Variants in RARS2 observed in about 807,000 individuals in gnomAD.
The protein encoded by RARS2 is arginyl-tRNA synthetase 2, mitochondrial, also known as probable arginine--tRNA ligase, mitochondrial.
A neutral mutation model predicts 88.5 loss-of-function variants in RARS2; 67 were observed. The ratio of observed to expected loss-of-function variants is 0.76; its 90% CI spans 0.62 to 0.93. The LOEUF (loss-of-function observed/expected upper bound fraction) is 0.93. RARS2 is among the 40% of genes least tolerant of loss of function. The probability of loss-of-function intolerance (pLI) is 0.00; values close to 1 mark genes in which losing one functional copy is unlikely to be tolerated. For synonymous variants in RARS2, 239 were observed against 230.3 expected (o/e 1.04, Z -0.34); for missense variants, 664 against 684.2 (o/e 0.97, Z 0.33).
chr6:87,587,339 G>T (rs13193380), intron 1 of RARS2, among the ~76,000 whole-genome samples: 92,606 of 152,036 alleles, frequency 0.61, 29,023 homozygotes, highest in African/African-American at 0.75. Flanking sequence ...CAAACTGTAC[G>T]GAACATGTTT....
intron 1 of RARS2, among the ~76,000 whole-genome samples, chr6:87,573,709 A>C (rs1480261652): frequency 5.3e-5 from 8 of 152,178 alleles, no homozygotes; most frequent in Non-Finnish European, 5.9e-5. Context: ...ACAAAAAAAA[A>C]CCAAGAAGAC....
At chr6:87,532,679 T>C (rs925294997) in intron 8 of RARS2, among the ~76,000 whole-genome samples, 1 of 152,284 alleles carries the variant, frequency 6.6e-6, no homozygotes, top group Admixed American at 6.5e-5. Context: ...ATCCCTTCAC[T>C]GTAATAAATC....
At chr6:87,534,101 G>A (rs1175987766) in intron 8 of RARS2, among the ~76,000 whole-genome samples, 3 of 152,118 alleles carry the variant, frequency 2.0e-5, no homozygotes, top group African/African-American at 7.2e-5. Flanking sequence ...GTTTAATGCT[G>A]TTTCACTGAT....
intron 11 of RARS2, among the ~76,000 whole-genome samples, chr6:87,524,349 G>A (rs1774965312): frequency 2.0e-5 from 3 of 152,172 alleles, no homozygotes; most frequent in African/African-American, 7.2e-5. Flanking sequence ...AAACCCCTGA[G>A]CTAATATGGT....
At chr6:87,536,469 T>C (rs909766722) in intron 8 of RARS2, among the ~76,000 whole-genome samples, 21 of 151,886 alleles carry the variant, frequency 1.4e-4, no homozygotes, top group African/African-American at 4.3e-4. Flanking sequence ...ACCCCGTCTC[T>C]AGCAAAAATA....
intron 2 of RARS2, among the ~76,000 whole-genome samples, chr6:87,568,943 C>T (rs1007866508): frequency 1.3e-5 from 2 of 151,960 alleles, no homozygotes; most frequent in Admixed American, 1.3e-4. Flanking sequence ...AGTTTTCTAC[C>T]CAAATCGTAA....
chr6:87,584,163 C>G (rs1172859330), intron 1 of RARS2, among the ~76,000 whole-genome samples: 1 of 152,190 alleles, frequency 6.6e-6, no homozygotes, highest in Non-Finnish European at 1.5e-5. Context: ...ACACAGTACA[C>G]AGCTTATATA....
At chr6:87,578,718 G>A (rs1284296681) in intron 1 of RARS2, among the ~76,000 whole-genome samples, 1 of 152,000 alleles carries the variant, frequency 6.6e-6, no homozygotes, top group Non-Finnish European at 1.5e-5. Context: ...CAGCACTTTG[G>A]GAGGCCGAGG....
chr6:87,519,206 G>GTATATATA (rs1351648306), intron 14 of RARS2: 4 of 272,162 alleles, frequency 1.5e-5, no homozygotes, highest in African/African-American at 5.0e-5. Flanking sequence ...GTGTGTGTGT[G>GTATATATA]TGTATATATA....
At position 87,562,788 on chromosome 6, in the gene RARS2, G is replaced by GA. The variant is rs1562212877; in HGVS notation, c.214-4dup. ...CTCACCACTGTATCACATCTTAGCT[G>GA]AAAAGAACAAATCACACAAAGTAGG... On this transcript the variant is annotated splice_polypyrimidine_tract_variant and splice_region_variant and intron_variant, in intron 3 of 19. Transcript: ENST00000369536. 1 of 1,609,154 alleles carries GA rather than the reference G, an allele frequency of 6.2e-7. No individual in the cohort carries two copies.
intron 9 of RARS2, among the ~76,000 whole-genome samples, 164 bp from the exon 10 acceptor site, chr6:87,529,812 T>C (rs1417701360): frequency 6.6e-6 from 1 of 152,022 alleles, no homozygotes; most frequent in African/African-American, 2.4e-5. Flanking sequence ...TCCCAGCACT[T>C]TGGGAGGCTG....
At position 87,562,840 on chromosome 6, in the gene RARS2, T is replaced by C. The variant is rs572134357; in HGVS notation, c.214-55A>G. On this transcript the variant is annotated intron_variant, in intron 3 of 19. Transcript: ENST00000369536. ...ATGTTATATAATAGGCCTAATGAGA[T>C]AGGTAGTTCTAATGCTATTTTTGGC... 4.6e-5 allele frequency: 59 copies of C among 1,277,504 alleles called. No homozygotes were observed. In the African/African-American group the frequency reaches 5.0e-4, roughly 11 times the overall value. The allele number at this position is 1,277,504 out of a possible 1,614,324, so 79.1% of individuals were successfully genotyped here.
chr6:87,575,273 AC>A (rs1771113607), intron 1 of RARS2, among the ~76,000 whole-genome samples: 5 of 141,834 alleles, frequency 3.5e-5, no homozygotes, highest in Admixed American at 3.5e-4. Context: ...ACACACACAC[AC>A]ACACCTTGGC....
intron 8 of RARS2, among the ~76,000 whole-genome samples, chr6:87,534,811 G>A (rs964142257): frequency 6.6e-6 from 1 of 152,222 alleles, no homozygotes; most frequent in African/African-American, 2.4e-5. Context: ...CAGGCCCACA[G>A]TGGGAAATGG....
At chr6:87,586,042 G>A (rs1027827673) in intron 1 of RARS2, among the ~76,000 whole-genome samples, 7 of 152,166 alleles carry the variant, frequency 4.6e-5, no homozygotes, top group African/African-American at 1.4e-4. Flanking sequence ...GTAGAGACTC[G>A]TGCAACAAAG....
At chr6:87,519,493 A>G in intron 14 of RARS2, 90 bp downstream of exon 14, 1 of 1,393,746 alleles carries the variant, frequency 7.2e-7, no homozygotes, top group South Asian at 1.2e-5. Context: ...CAATGGAGGG[A>G]CAGACATAAT....
At chr6:87,559,424 T>C (rs1787095459) in intron 4 of RARS2, among the ~76,000 whole-genome samples, 1 of 142,172 alleles carries the variant, frequency 7.0e-6, no homozygotes, top group Admixed American at 7.2e-5. Context: ...GGCTGTGCCA[T>C]TGCACTCCAG....
At chr6:87,539,080 T>C (rs925171204) in intron 8 of RARS2, among the ~76,000 whole-genome samples, 2 of 144,740 alleles carry the variant, frequency 1.4e-5, no homozygotes, top group Non-Finnish European at 3.0e-5. Context: ...AAATAAAAGA[T>C]AAAAATAAAA....
chr6:87,582,090 A>C (rs571532930), intron 1 of RARS2, among the ~76,000 whole-genome samples: 2 of 152,312 alleles, frequency 1.3e-5, no homozygotes, highest in South Asian at 4.1e-4. Flanking sequence ...TCTTTGTAGC[A>C]GAATGATTTA....
Sources: gnomAD v4.1 joint callset for allele counts (sites outside exome capture counted in the v4.1 genomes callset) on GRCh38, gnomAD v4.1.1 for gene constraint, MANE v1.5 for transcripts, NCBI Gene and HGNC (gene_info 2026-07-23, HGNC 2026-07-21) for gene names.